CHD6: variants seen among roughly 807,000 people sequenced by gnomAD.
CHD6 encodes chromodomain helicase DNA binding protein 6.
Under a neutral mutation model 276.9 loss-of-function variants are expected in CHD6, and 50 were observed. The observed-to-expected ratio is 0.18, with a 90% CI of 0.14 to 0.23. The LOEUF (loss-of-function observed/expected upper bound fraction) is 0.23. CHD6 is among the 10% of genes least tolerant of loss of function. CHD6 has a pLI of 1.00. For synonymous variants in CHD6, 1,173 were observed against 1,229.3 expected (o/e 0.95, Z 0.96); for missense variants, 2,564 against 3,365.8 (o/e 0.76, Z 5.89).
Position 41,415,203 on chromosome 20 carries a change from G to A in CHD6, c.6922C>T (p.Leu2308Phe). Residue 2308 changes from leucine (L) to phenylalanine (F), a missense_variant, in exon 34 of 37, where the codon CTT (leucine) becomes TTT (phenylalanine). Leu to Phe is a conservative substitution (Grantham distance 22). Coordinates refer to ENST00000373233, the MANE Select transcript of CHD6 (RefSeq NM_032221.5). ...ATACCCACCAAGATTCCCGCCTGAA[G>A]TGTCTGCTCCTTCAAAAAGATGAGG... ...MDLIFLKEQTLQAGILEVHED... is the reference protein window; with the variant it reads ...MDLIFLKEQTFQAGILEVHED... The A allele has an allele frequency of 6.2e-7, 1 of 1,613,932 alleles. No individual in the cohort carries two copies. The highest frequency in any genetic ancestry group is 8.5e-7 in the Non-Finnish European group (1 of 1,179,906).
In CHD6 at chr20:41,405,184, G is replaced by A; in HGVS notation, c.7557C>T (p.Pro2519=). ...CAGCAGCCATGCCTGGCAGCATCAT[G>A]GGCAGCATGCTCAGGGTACTTTTGA... is the stretch of plus-strand genomic sequence containing the variant. The part of the protein sequence containing the change: ...EEVKSTLSML[P]MMLPGMAAVP... The change falls in exon 37 of 37, where the codon CCC becomes CCT. Residue 2519 remains proline (P), a synonymous_variant. Coordinates refer to ENST00000373233, the MANE Select transcript of CHD6 (RefSeq NM_032221.5). The A allele has an allele frequency of 6.2e-7, 1 of 1,614,186 alleles. No homozygotes were observed. Among genetic ancestry groups the A allele is most frequent in the Non-Finnish European group, 8.5e-7 (1 of 1,180,026 alleles).
At chr20:41,558,682 C>G (rs1269935546) in intron 1 of CHD6, among the ~76,000 whole-genome samples, 1 of 152,108 alleles carries the variant, frequency 6.6e-6, no homozygotes, top group Non-Finnish European at 1.5e-5. Context: ...GACAAGTAAC[C>G]TTTCCATCTG....
chr20:41,582,056 T>G (rs1195499356), intron 1 of CHD6, among the ~76,000 whole-genome samples: 1 of 152,194 alleles, frequency 6.6e-6, no homozygotes, highest in East Asian at 1.9e-4. Flanking sequence ...GAGACAATCT[T>G]CCCAAAAACT....
At chr20:41,487,503 C>T (rs961858055) in intron 14 of CHD6, among the ~76,000 whole-genome samples, 162 bp downstream of exon 14, 7 of 152,168 alleles carry the variant, frequency 4.6e-5, no homozygotes, top group Non-Finnish European at 8.8e-5. Context: ...TAATAATCAG[C>T]GTACCCGCCC....
At chr20:41,564,220 T>C in intron 1 of CHD6, 2 of 594,658 alleles carry the variant, frequency 3.4e-6, no homozygotes, top group Non-Finnish European at 6.1e-6. Flanking sequence ...TAAACATGTT[T>C]TGGGGCGCTA....
chr20:41,457,759 C>T (rs77731187), intron 17 of CHD6, among the ~76,000 whole-genome samples: 1,584 of 152,298 alleles, frequency 0.01, 26 homozygotes, highest in African/African-American at 0.036. Context: ...GTCCTGTCCT[C>T]TTGGAAGATA....
chr20:41,562,052 T>C (rs1436338193), intron 1 of CHD6, among the ~76,000 whole-genome samples: 1 of 152,182 alleles, frequency 6.6e-6, no homozygotes, highest in East Asian at 1.9e-4. Context: ...CTCATGTTAC[T>C]ATTTGAATGA....
At chr20:41,564,632 A>G (rs914157280) in intron 1 of CHD6, among the ~76,000 whole-genome samples, 2 of 152,228 alleles carry the variant, frequency 1.3e-5, no homozygotes, top group African/African-American at 4.8e-5. Context: ...AGAATTCCTC[A>G]CCAGAAAGCG....
intron 5 of CHD6, among the ~76,000 whole-genome samples, chr20:41,508,998 T>C (rs904955449): frequency 1.3e-5 from 2 of 152,170 alleles, no homozygotes; most frequent in African/African-American, 4.8e-5. Context: ...GTCTTTATAC[T>C]AGCTACTAAC....
At chr20:41,514,633 C>G (rs946347896) in intron 4 of CHD6, among the ~76,000 whole-genome samples, 172 bp downstream of exon 4, 2 of 152,140 alleles carry the variant, frequency 1.3e-5, no homozygotes, top group Non-Finnish European at 2.9e-5. Context: ...GTATACTGAT[C>G]GGGCTAGGGC....
intron 17 of CHD6, among the ~76,000 whole-genome samples, chr20:41,458,347 A>G (rs1157913985): frequency 6.6e-6 from 1 of 152,246 alleles, no homozygotes; most frequent in African/African-American, 2.4e-5. Flanking sequence ...TCTTTATGGG[A>G]TACAATGAAG....
At chr20:41,491,892 A>G in intron 10 of CHD6, 73 bp from the exon 11 acceptor site, 1 of 1,537,772 alleles carries the variant, frequency 6.5e-7, no homozygotes, top group Non-Finnish European at 9.0e-7. Flanking sequence ...ACTAACGAGG[A>G]CAGTGGTAAA....
chr20:41,455,272 T>C (rs575433939), intron 19 of CHD6, among the ~76,000 whole-genome samples: 16 of 152,306 alleles, frequency 1.1e-4, no homozygotes, highest in African/African-American at 3.8e-4. Flanking sequence ...GAATCAGCAG[T>C]GGTTGTGGCT....
chr20:41,404,595 A>C lies in CHD6; in HGVS notation c.8146T>G (p.Ter2716GluextTer12). The change falls in exon 37 of 37, where the codon TAG becomes GAG. Residue 2716 changes from the stop codon to glutamate (E), a stop_lost. Transcript: ENST00000373233. ...ALKDSNNDTN[*>E] ...TAATTTCTTAAATGAAAAAAGTTCT[A>C]ATTGGTGTCGTTGTTGGAGTCTTTG... is the stretch of plus-strand genomic sequence containing the variant. 1 of 1,476,848 alleles carries C rather than the reference A, an allele frequency of 6.8e-7. No individual in the cohort carries two copies. Among genetic ancestry groups the C allele is most frequent in the Non-Finnish European group, 9.0e-7 (1 of 1,111,698 alleles). 91.5% of individuals were successfully genotyped at this position (1,476,848 alleles called of 1,614,324 possible).
At chr20:41,518,034 A>C (rs2044293220) in intron 3 of CHD6, among the ~76,000 whole-genome samples, 1 of 152,250 alleles carries the variant, frequency 6.6e-6, no homozygotes, top group Non-Finnish European at 1.5e-5. Flanking sequence ...AAATTCATAG[A>C]TGTTGATAGT....
intron 3 of CHD6, among the ~76,000 whole-genome samples, chr20:41,527,245 C>T (rs951177536): frequency 6.6e-6 from 1 of 151,888 alleles, no homozygotes. Context: ...AAGACCAGCC[C>T]GGCCAACATA....
intron 1 of CHD6, among the ~76,000 whole-genome samples, chr20:41,599,499 C>T (rs186272753): frequency 7.9e-5 from 12 of 152,232 alleles, no homozygotes; most frequent in East Asian, 3.9e-4. Context: ...CACCATACCT[C>T]GTATTTGTGG....
intron 17 of CHD6, chr20:41,459,289 A>G (rs929212336): frequency 3.9e-5 from 6 of 152,392 alleles, no homozygotes; most frequent in African/African-American, 1.4e-4. Flanking sequence ...ACTGGGACAG[A>G]AGAGAGGCCA....
rs762553618 is a variant in CHD6 at position 41,533,605 on chromosome 20, C to T, written c.34-35G>A. The T allele has an allele frequency of 4.6e-6, 7 of 1,529,200 alleles. No individual in the cohort carries two copies. The African/African-American group carries it at 9.6e-5, about 21-fold the overall frequency. The allele number at this position is 1,529,200 out of a possible 1,614,324, so 94.7% of individuals were successfully genotyped here. ...AAAGAGAAACAAGCATATTACCCTT[C>T]CAATTCATGCTTCAGACAAAGAGAG... On this transcript the variant is annotated intron_variant, in intron 2 of 36. Transcript: ENST00000373233.
Sources: gnomAD v4.1 joint callset for allele counts (sites outside exome capture counted in the v4.1 genomes callset) on GRCh38, gnomAD v4.1.1 for gene constraint, MANE v1.5 for transcripts, NCBI Gene and HGNC (gene_info 2026-07-23, HGNC 2026-07-21) for gene names.